The following GREB1L variants were observed in gnomAD, a reference collection of about 807,000 sequenced individuals.
GREB1L encodes the protein GREB1-like protein.
Under a neutral mutation model 200.8 loss-of-function variants are expected in GREB1L, and 17 were observed. The ratio of observed to expected loss-of-function variants is 0.08; its 90% CI spans 0.06 to 0.13. The LOEUF (loss-of-function observed/expected upper bound fraction) is 0.13. Among genes scored for constraint, GREB1L ranks in the 10% least tolerant of loss-of-function variants. The pLI, the probability that GREB1L is intolerant of heterozygous loss-of-function variation, is 1.00. For synonymous variants in GREB1L, 789 were observed against 893.0 expected, an observed-to-expected ratio of 0.88 and a Z score of 2.08; for missense variants, 1,657 against 2,367.7, an observed-to-expected ratio of 0.70 and a Z score of 6.23.
At chr18:21,431,437 T>C (rs1434617211) in intron 7 of GREB1L, among the ~76,000 whole-genome samples, 1 of 152,244 alleles carries the variant, frequency 6.6e-6, no homozygotes, top group East Asian at 1.9e-4. Context: ...TAAATTTTCT[T>C]CTGTTATTGA....
intron 1 of GREB1L, among the ~76,000 whole-genome samples, chr18:21,251,042 A>T (rs1435845626): frequency 6.6e-6 from 1 of 152,238 alleles, no homozygotes; most frequent in African/African-American, 2.4e-5. Context: ...TAGGCCAGGC[A>T]CAGTGGCTCA....
chr18:21,454,838 T>C (rs2034681164), intron 15 of GREB1L: 2 of 436,360 alleles, frequency 4.6e-6, no homozygotes, highest in East Asian at 5.0e-5. Context: ...TGGTCATTTA[T>C]GGATGAAGAG....
intron 19 of GREB1L, among the ~76,000 whole-genome samples, chr18:21,491,105 G>A (rs1011990277): frequency 1.3e-5 from 2 of 152,254 alleles, no homozygotes; most frequent in South Asian, 2.1e-4. Context: ...GTTTTTCTGG[G>A]CCTGTAATCC....
chr18:21,464,738 C>T (rs1313602742), intron 15 of GREB1L, among the ~76,000 whole-genome samples: 1 of 152,118 alleles, frequency 6.6e-6, no homozygotes, highest in East Asian at 1.9e-4. Flanking sequence ...TGCAAAAAAG[C>T]ACACAATGTC....
chr18:21,415,621 C>T (rs1159138172), intron 7 of GREB1L, among the ~76,000 whole-genome samples: 1 of 152,080 alleles, frequency 6.6e-6, no homozygotes, highest in African/African-American at 2.4e-5. Context: ...GGAAGAACCA[C>T]CCAAAAGGGT....
intron 1 of GREB1L, among the ~76,000 whole-genome samples, chr18:21,337,753 G>A (rs113937364): frequency 0.043 from 6,510 of 152,218 alleles, 183 homozygotes; most frequent in Non-Finnish European, 0.069. Context: ...TTGGGAGGCC[G>A]AGGCGGGTAG....
intron 1 of GREB1L, among the ~76,000 whole-genome samples, chr18:21,329,969 T>TTTGGG (rs1555628418): frequency 7.7e-6 from 1 of 129,314 alleles, no homozygotes; most frequent in African/African-American, 2.9e-5. Context: ...GTTTTTTTTT[T>TTTGGG]GGGGGGGGGG....
chr18:21,335,130 C>G (rs1326780508), intron 1 of GREB1L, among the ~76,000 whole-genome samples: 2 of 152,286 alleles, frequency 1.3e-5, no homozygotes, highest in Admixed American at 6.5e-5. Flanking sequence ...CTCCATTAAT[C>G]TTAGTGACAG....
chr18:21,306,322 T>C (rs1042436240), intron 1 of GREB1L, among the ~76,000 whole-genome samples: 7 of 152,202 alleles, frequency 4.6e-5, no homozygotes, highest in Non-Finnish European at 8.8e-5. Context: ...AGGGAGGATA[T>C]TCCTGCCAAT....
intron 21 of GREB1L, among the ~76,000 whole-genome samples, chr18:21,498,380 G>C (rs1312230785): frequency 6.6e-6 from 1 of 152,112 alleles, no homozygotes. Flanking sequence ...CACTCTGCCT[G>C]CCTCAACCCC....
intron 7 of GREB1L, among the ~76,000 whole-genome samples, chr18:21,416,549 G>A (rs1241742352): frequency 2.0e-5 from 3 of 151,918 alleles, no homozygotes; most frequent in Non-Finnish European, 2.9e-5. Flanking sequence ...AAAATTAGCC[G>A]GGCGTGGTGG....
chr18:21,268,546 CACACACACACACACAT>C lies in GREB1L; in HGVS notation c.-120+26155_-120+26170del, dbSNP rs1327089114. ...ATACACACACACACACACACACACA[CACACACACACACACAT>C]ATATATATATATATATATATATATA... On this transcript the variant is annotated intron_variant, in intron 1 of 32. Coordinates refer to ENST00000424526, the MANE Select transcript of GREB1L (RefSeq NM_001142966.3). Among the ~76,000 whole-genome samples, 8 of 97,940 alleles carry C rather than the reference CACACACACACACACAT, an allele frequency of 8.2e-5. No individual in the cohort carries two copies. In the South Asian group the frequency reaches 9.9e-4, roughly 12 times the overall value. 64.3% of individuals were successfully genotyped at this position (97,940 alleles called of 152,430 possible).
chr18:21,344,756 TG>T (rs1484966294), intron 1 of GREB1L, among the ~76,000 whole-genome samples: 2 of 152,216 alleles, frequency 1.3e-5, no homozygotes, highest in East Asian at 3.9e-4. Flanking sequence ...CAGGGTCATC[TG>T]GGAACTCATA....
At chr18:21,268,571 A>ATATATATATATATATATATATACATG (rs2038024147) in intron 1 of GREB1L, among the ~76,000 whole-genome samples, 1 of 103,944 alleles carries the variant, frequency 9.6e-6, no homozygotes, top group Non-Finnish European at 1.8e-5. Context: ...ATATATATAT[A>ATATATATATATATATATATATACATG]TATATATATA....
chr18:21,307,788 C>T (rs2038725865), intron 1 of GREB1L, among the ~76,000 whole-genome samples: 1 of 152,104 alleles, frequency 6.6e-6, no homozygotes, highest in Non-Finnish European at 1.5e-5. Context: ...TCATTATTCT[C>T]CTGCTCCCTC....
At chr18:21,242,619 G>C (rs1453632809) in intron 1 of GREB1L, among the ~76,000 whole-genome samples, 2 of 152,146 alleles carry the variant, frequency 1.3e-5, no homozygotes, top group Non-Finnish European at 2.9e-5. Flanking sequence ...CCTGGGAGCC[G>C]TGCCTGCCTT....
intron 18 of GREB1L, among the ~76,000 whole-genome samples, chr18:21,489,311 A>G (rs564036739): frequency 2.0e-5 from 3 of 152,232 alleles, no homozygotes; most frequent in South Asian, 4.1e-4. Flanking sequence ...TGAGGCTACA[A>G]CACTAGGGGG....
At chr18:21,349,849 T>C (rs1598683385) in intron 1 of GREB1L, among the ~76,000 whole-genome samples, 1 of 152,272 alleles carries the variant, frequency 6.6e-6, no homozygotes, top group East Asian at 1.9e-4. Flanking sequence ...AGAAATAAAG[T>C]GCACAATAAA....
In GREB1L at chr18:21,426,993, A is replaced by C. The variant is rs1293254779; in HGVS notation, c.833-12528A>C. 5.8e-4 allele frequency among the ~76,000 whole-genome samples: 82 copies of C among 141,788 alleles called. 1 individual carries two copies. Among genetic ancestry groups the C allele is most frequent in the South Asian group, 2.6e-3 (11 of 4,206 alleles). 93.0% of individuals were successfully genotyped at this position (141,788 alleles called of 152,430 possible). On this transcript the variant is annotated intron_variant, in intron 7 of 32. Transcript: ENST00000424526. ...AAAAACAAAAAAAAAAAAAACAAAAAAAAAAAACTGTTTTGGCTATTCTGG... is the reference window on the plus strand; with the variant it reads ...AAAAACAAAAAAAAAAAAAACAAAACAAAAAAACTGTTTTGGCTATTCTGG...
Sources: gnomAD v4.1 joint callset for allele counts (sites outside exome capture counted in the v4.1 genomes callset) on GRCh38, gnomAD v4.1.1 for gene constraint, MANE v1.5 for transcripts, NCBI Gene and HGNC (gene_info 2026-07-23, HGNC 2026-07-21) for gene names.